The following DUS2 variants were observed in gnomAD, a reference collection of about 807,000 sequenced individuals.
DUS2 encodes tRNA-dihydrouridine(20) synthase [NAD(P)+]-like.
In DUS2, 52 loss-of-function variants were observed where a neutral mutation model predicts 71.3. That is an observed-to-expected ratio of 0.73 (90% confidence interval 0.58 to 0.92). DUS2 has a LOEUF of 0.92. Among genes scored for constraint, DUS2 ranks in the 40% least tolerant of loss-of-function variants. The pLI is 0.00. For synonymous variants in DUS2, 204 were observed against 227.8 expected, an observed-to-expected ratio of 0.90 and a Z score of 0.94; for missense variants, 558 against 622.6, an observed-to-expected ratio of 0.90 and a Z score of 1.10.
Position 68,078,922 on chromosome 16 carries a change from A to T in DUS2, c.1418A>T (p.Asp473Val). Residue 473 changes from aspartate to valine, a missense_variant, in exon 17 of 17, where the codon GAT becomes GTT. Transcript: ENST00000565263. ...PRAQELAQPG[D>V]LCKKPFVALG... ...GCTCAGGAGCTAGCACAACCTGGGG[A>T]TCTGTGCAAGAAGCCCTTTGTGGCC... 6.2e-7 allele frequency: 1 copy of T among 1,611,132 alleles called. No individual in the cohort carries two copies. The highest frequency in any genetic ancestry group is 1.1e-5 in the South Asian group (1 of 90,924).
In DUS2 at chr16:68,061,045, C is replaced by T. The variant is rs535366136; in HGVS notation, c.370-21C>T. 4 of 1,613,430 alleles carry T rather than the reference C, an allele frequency of 2.5e-6. 1 individual carries two copies. The South Asian group carries it at 4.4e-5, about 18-fold the overall frequency. ...TAGTGTCTCCCAGATGTAAGAAGAC[C>T]TTTTGTGTGTTTCTCCTTAGGGAGG... On this transcript the variant is annotated intron_variant, in intron 7 of 16. Transcript: ENST00000565263.
In DUS2 at chr16:68,053,563, GAGGTGCTCAGCAC is replaced by G; in HGVS notation, c.175_187del (p.Val59TrpfsTer41). The G allele has an allele frequency of 6.2e-7, 1 of 1,614,216 alleles. No homozygotes were observed. Among genetic ancestry groups the G allele is most frequent in the Non-Finnish European group, 8.5e-7 (1 of 1,180,038 alleles). On this transcript the variant is annotated frameshift_variant and splice_region_variant, in exon 5 of 17. Coordinates refer to ENST00000565263, the MANE Select transcript of DUS2 (RefSeq NM_017803.5). LOFTEE classifies it high-confidence loss of function. ...CCCTATGTGTTTGGGTTTTCTTGCAGAGGTGCTCAGCACAGTGGACTTTGTCGCCCCTGATGAT... is the reference window on the plus strand; with the variant it reads ...CCCTATGTGTTTGGGTTTTCTTGCAGAGTGGACTTTGTCGCCCCTGATGAT...
intron 6 of DUS2, 135 bp downstream of exon 6, chr16:68,054,752 G>A (rs1387355402): frequency 2.0e-5 from 22 of 1,104,140 alleles, no homozygotes; most frequent in Admixed American, 1.5e-4. Flanking sequence ...GGTTAAGAGT[G>A]CCTGGTTTCC....
At chr16:68,036,483 T>G (rs921469050) in intron 2 of DUS2, among the ~76,000 whole-genome samples, 2 of 151,736 alleles carry the variant, frequency 1.3e-5, no homozygotes, top group African/African-American at 4.8e-5. Context: ...TTTTGTATTT[T>G]TAGTAGAGAC....
At chr16:68,074,936 A>G (rs1272600749) in intron 13 of DUS2, among the ~76,000 whole-genome samples, 1 of 152,174 alleles carries the variant, frequency 6.6e-6, no homozygotes, top group African/African-American at 2.4e-5. Flanking sequence ...ACCCATGTAT[A>G]ACTGCCTGTG....
chr16:68,070,337 G>A, intron 11 of DUS2, 117 bp downstream of exon 11: 3 of 905,284 alleles, frequency 3.3e-6, no homozygotes, highest in African/African-American at 1.6e-5. Context: ...AAAGGGCAGG[G>A]CTTTCCACAA....
intron 3 of DUS2, among the ~76,000 whole-genome samples, chr16:68,042,317 G>A (rs1340640811): frequency 1.3e-5 from 2 of 152,146 alleles, no homozygotes; most frequent in Non-Finnish European, 2.9e-5. Context: ...TAATGCTGCT[G>A]TGAACATGGG....
At chr16:68,069,662 C>T (rs2034056923) in intron 10 of DUS2, among the ~76,000 whole-genome samples, 1 of 152,176 alleles carries the variant, frequency 6.6e-6, no homozygotes, top group Non-Finnish European at 1.5e-5. Flanking sequence ...GTGCCTCTCC[C>T]TAGGATCAGC....
chr16:68,040,139 C>T (rs1395149047), intron 3 of DUS2, among the ~76,000 whole-genome samples: 1 of 150,966 alleles, frequency 6.6e-6, no homozygotes, highest in African/African-American at 2.4e-5. Flanking sequence ...GGCTGGAGTG[C>T]AGTGGCACAG....
Position 68,070,162 on chromosome 16 carries a change from G to C in DUS2, c.583G>C (p.Val195Leu), listed in dbSNP as rs2034063827. The C allele has an allele frequency of 6.2e-7, 1 of 1,614,010 alleles. No individual in the cohort carries two copies. The highest frequency in any genetic ancestry group is 2.2e-5 in the East Asian group (1 of 44,874). Residue 195 changes from valine to leucine, a missense_variant, in exon 11 of 17, where the codon GTC becomes CTC. Physicochemically the swap from Val to Leu is conservative, Grantham distance 32. Transcript: ENST00000565263. ...GCGGGAGGAGCGACCTCAGCATCCT[G>C]TCAGCTGTGAAGTCATCAAAGCCAT... ...RKREERPQHPVSCEVIKAIAD... is the reference protein window; with the variant it reads ...RKREERPQHPLSCEVIKAIAD...
At chr16:68,069,352 C>T (rs1285342413) in intron 10 of DUS2, among the ~76,000 whole-genome samples, 2 of 152,180 alleles carry the variant, frequency 1.3e-5, no homozygotes. Context: ...TGCACCATTG[C>T]ACTCCAGCCT....
At chr16:68,031,751 G>A in intron 2 of DUS2, among the ~76,000 whole-genome samples, 1 of 152,158 alleles carries the variant, frequency 6.6e-6, no homozygotes, top group African/African-American at 2.4e-5. Flanking sequence ...CTGGAGGGCA[G>A]TGGTGCGATC....
chr16:68,031,783 C>T (rs1435920682), intron 2 of DUS2, among the ~76,000 whole-genome samples: 1 of 152,192 alleles, frequency 6.6e-6, no homozygotes, highest in African/African-American at 2.4e-5. Context: ...CAACCTCTGC[C>T]TCCCTGGTTT....
chr16:68,055,024 C>G (rs2033832093), intron 6 of DUS2, among the ~76,000 whole-genome samples: 1 of 150,764 alleles, frequency 6.6e-6, no homozygotes, highest in African/African-American at 2.5e-5. Flanking sequence ...GCCTGGTGAC[C>G]AAGCGAGACT....
intron 2 of DUS2, among the ~76,000 whole-genome samples, chr16:68,036,457 G>A (rs1409636487): frequency 1.3e-5 from 2 of 150,772 alleles, no homozygotes; most frequent in African/African-American, 2.4e-5. Context: ...CACCTCACTC[G>A]GCCCAGCTGG....
intron 4 of DUS2, among the ~76,000 whole-genome samples, chr16:68,053,241 G>T (rs113973109): frequency 6.6e-6 from 1 of 152,144 alleles, no homozygotes; most frequent in Non-Finnish European, 1.5e-5. Flanking sequence ...GATTACAGGC[G>T]TAAGCCACCA....
At chr16:68,078,656 A>G (rs2034193348) in intron 16 of DUS2, 93 bp from the exon 17 acceptor site, 1 of 1,495,620 alleles carries the variant, frequency 6.7e-7, no homozygotes, top group Non-Finnish European at 9.2e-7. Flanking sequence ...GTGACCCCTT[A>G]CTCAGTCTTG....
chr16:68,066,619 C>T lies in DUS2; in HGVS notation c.537C>T (p.Ala179=), dbSNP rs1479381944. Residue 179 remains alanine (A), a synonymous_variant, in exon 10 of 17, where the codon GCC becomes GCT. Transcript: ENST00000565263. ...VKRIERTGIA[A]IAVHGRKREE... ...GGATAGAGAGGACTGGCATTGCTGC[C>T]ATCGCAGTTCATGGGAGGTGAGTGG... 9 of 1,614,026 alleles carry T rather than the reference C, an allele frequency of 5.6e-6. No individual in the cohort carries two copies. The highest frequency in any genetic ancestry group is 4.5e-5 in the East Asian group (2 of 44,898).
At chr16:68,062,232 A>G (rs1258238670) in intron 8 of DUS2, among the ~76,000 whole-genome samples, 1 of 151,752 alleles carries the variant, frequency 6.6e-6, no homozygotes, top group Non-Finnish European at 1.5e-5. Context: ...GCTGGTCTTG[A>G]ACTCCTGACC....
Sources: gnomAD v4.1 joint callset for allele counts (sites outside exome capture counted in the v4.1 genomes callset) on GRCh38, gnomAD v4.1.1 for gene constraint, MANE v1.5 for transcripts, NCBI Gene and HGNC (gene_info 2026-07-23, HGNC 2026-07-21) for gene names.